Variants in LZTR1 observed in about 807,000 individuals in gnomAD.
LZTR1 encodes leucine zipper like post translational regulator 1.
In LZTR1, 260 loss-of-function variants were observed where a neutral mutation model predicts 105.7. The observed-to-expected ratio is 2.46, with a 90% CI of 2.22 to 2.72. LZTR1 has a LOEUF of 2.72. LZTR1 is among the 30% of genes most tolerant of loss of function. LZTR1 has a pLI of 0.00. For synonymous variants in LZTR1, 490 were observed against 476.4 expected (o/e 1.03, Z -0.37); for missense variants, 1,214 against 1,166.9 (o/e 1.04, Z -0.59).
chr22:20,997,040 A>G, intron 20 of LZTR1, 74 bp downstream of exon 20: 1 of 1,508,462 alleles, frequency 6.6e-7, no homozygotes, highest in Non-Finnish European at 9.2e-7. Flanking sequence ...GAGGGTGCCC[A>G]GGCTCTGTGG....
chr22:20,994,703 C>T lies in LZTR1; in HGVS notation c.1761C>T (p.Ala587=). 6.2e-7 allele frequency: 1 copy of T among 1,612,288 alleles called. No individual in the cohort carries two copies. Among genetic ancestry groups the T allele is most frequent in the Non-Finnish European group, 8.5e-7 (1 of 1,179,972 alleles). ...QNVLVVCESA[A]RLQLSQLKEH... ...TGCTGGTTGTGTGCGAGAGTGCCGC[C>T]CGGCTGCAGCTGAGCCAACTCAAGG... Residue 587 remains alanine (A), a synonymous_variant, in exon 15 of 21, where the codon GCC becomes GCT. Transcript: ENST00000646124.
rs1302390050 is a variant in LZTR1 at position 20,994,938 on chromosome 22, G to C, written c.1854G>C (p.Glu618Asp). The change falls in exon 16 of 21, where the codon GAG becomes GAC. Residue 618 changes from glutamate to aspartate, a missense_variant. By Grantham distance (45) the Glu-to-Asp change is conservative. Transcript: ENST00000646124. Reference sequence around the variant, plus strand: ...AGGTGATCATGATGAAGGAGTTCGAGCGCCTCTCCTCTCCACTGATAGTGG... The same window carrying C: ...AGGTGATCATGATGAAGGAGTTCGACCGCCTCTCCTCTCCACTGATAGTGG... ...FNQVIMMKEF[E>D]RLSSPLIVEI... The C allele has an allele frequency of 6.2e-7, 1 of 1,613,388 alleles. No homozygotes were observed. The highest frequency in any genetic ancestry group is 8.5e-7 in the Non-Finnish European group (1 of 1,180,014).
At chr22:20,987,407 A>G in intron 3 of LZTR1, 97 bp from the exon 4 acceptor site, 2 of 692,070 alleles carry the variant, frequency 2.9e-6, no homozygotes, top group Non-Finnish European at 5.2e-6. Flanking sequence ...AAAAAAAGAA[A>G]AAAGAAAGGC....
intron 2 of LZTR1, among the ~76,000 whole-genome samples, chr22:20,984,609 A>C (rs1924305279): frequency 2.7e-4 from 1 of 3,772 alleles, no homozygotes; most frequent in African/African-American, 3.4e-4. Context: ...TGGGGCAAGT[A>C]AGGAGGGGGG....
chr22:20,993,019 G>C (rs1042785837), intron 11 of LZTR1, 115 bp downstream of exon 11: 3 of 729,358 alleles, frequency 4.1e-6, no homozygotes, highest in Non-Finnish European at 6.8e-6. Context: ...GCCACACCTG[G>C]CAGGATGGAA....
chr22:20,994,807 C>T, intron 15 of LZTR1, 63 bp from the exon 16 acceptor site: 2 of 1,608,812 alleles, frequency 1.2e-6, no homozygotes, highest in Non-Finnish European at 1.7e-6. Context: ...CCACTGTGAG[C>T]CCCTCGCCCA....
At chr22:20,985,785 G>A (rs999561732) in intron 2 of LZTR1, 56 bp from the exon 3 acceptor site, 5 of 1,522,848 alleles carry the variant, frequency 3.3e-6, no homozygotes, top group Middle Eastern at 1.7e-4. Flanking sequence ...CCCATCTCTG[G>A]GGTCACTGCA....
chr22:20,983,944 C>T (rs942271767), intron 2 of LZTR1, among the ~76,000 whole-genome samples: 3 of 152,220 alleles, frequency 2.0e-5, no homozygotes, highest in Admixed American at 6.5e-5. Flanking sequence ...TGAGTAAAAG[C>T]CCAAGTCCTC....
chr22:20,987,388 C>CAAAAAAAAA, intron 3 of LZTR1, 116 bp from the exon 4 acceptor site: 1 of 530,240 alleles, frequency 1.9e-6, no homozygotes, highest in Non-Finnish European at 3.3e-6. Context: ...GACTCCGTCT[C>CAAAAAAAAA]AAAAAAAAAA....
rs746037698 is a variant in LZTR1, at chr22:20,997,324, C to T, written c.2499C>T (p.Cys833=). The T allele has an allele frequency of 1.7e-5, 28 of 1,613,314 alleles. No homozygotes were observed. The highest frequency in any genetic ancestry group is 9.3e-5 in the African/African-American group (7 of 74,938). ...SLASHISDKQ[C]AELGADI is the part of the protein sequence containing the mutation. ...CCTCCCACATCTCAGACAAGCAGTGCGCAGAGCTGGGCGCCGACATCTGAG... is the reference window on the plus strand; with the variant it reads ...CCTCCCACATCTCAGACAAGCAGTGTGCAGAGCTGGGCGCCGACATCTGAG... Residue 833 remains cysteine (C), a synonymous_variant, in exon 21 of 21, where the codon TGC becomes TGT. Transcript: ENST00000646124.
At chr22:20,988,901 ACCTC>A in intron 6 of LZTR1, 29 bp downstream of exon 6, 1 of 1,595,260 alleles carries the variant, frequency 6.3e-7, no homozygotes, top group Non-Finnish European at 8.6e-7. Flanking sequence ...TGTGCACCCC[ACCTC>A]CGACAGCACT....
chr22:20,990,180 T>C (rs902223535), intron 7 of LZTR1, among the ~76,000 whole-genome samples: 2 of 152,216 alleles, frequency 1.3e-5, no homozygotes, highest in African/African-American at 4.8e-5. Flanking sequence ...GATTTAACCC[T>C]GACGATTTTA....
rs200897030 is a variant in LZTR1, at chr22:20,997,231, G to A, written c.2407-1G>A. ...CTCCTTCCGGCCTGCTTGCCTTACA[G>A]GTCTCCAAGTTGCCCACCCTGCGGT... On this transcript the variant is annotated splice_acceptor_variant, in intron 20 of 20. Transcript: ENST00000646124. LOFTEE classifies it high-confidence loss of function. The A allele has an allele frequency of 8.1e-6, 13 of 1,604,690 alleles. No homozygotes were observed. The highest frequency in any genetic ancestry group is 5.0e-5 in the Admixed American group (3 of 60,000).
Position 20,989,656 on chromosome 22 carries a change from G to A in LZTR1, c.625G>A (p.Asp209Asn). The change falls in exon 7 of 21, where the codon GAC (aspartate) becomes AAC (asparagine). Residue 209 changes from aspartate (D) to asparagine (N), a missense_variant. Transcript: ENST00000646124. ...TGACATGTGGACAATTGGCCTCCAG[G>A]ACCGAGAGCTCACCTGCTGGGAGGA... ...LNDMWTIGLQ[D>N]RELTCWEEVA... 1 of 1,613,278 alleles carries A rather than the reference G, an allele frequency of 6.2e-7. No homozygotes were observed. The highest frequency in any genetic ancestry group is 1.1e-5 in the South Asian group (1 of 91,064).
At chr22:20,982,940 C>G in intron 1 of LZTR1, 87 bp from the exon 2 acceptor site, 1 of 1,079,876 alleles carries the variant, frequency 9.3e-7, no homozygotes, top group Non-Finnish European at 1.4e-6. Flanking sequence ...TACCTAACTT[C>G]CGTGGCAGCT....
At position 20,989,639 on chromosome 22, in the gene LZTR1, G is replaced by A; in HGVS notation, c.608G>A (p.Trp203Ter). The change falls in exon 7 of 21, where the codon TGG becomes TAG. Residue 203 changes from tryptophan to a stop codon, truncating the protein, a stop_gained. Coordinates refer to ENST00000646124, the MANE Select transcript of LZTR1 (RefSeq NM_006767.4). LOFTEE classifies it high-confidence loss of function. ...TCCTAATACAGGTTGAATGACATGT[G>A]GACAATTGGCCTCCAGGACCGAGAG... ...YDGNARLNDMWTIGLQDRELT... is the reference protein window; with the variant it reads ...YDGNARLNDM 6.2e-7 allele frequency: 1 copy of A among 1,613,658 alleles called. No individual in the cohort carries two copies. The highest frequency in any genetic ancestry group is 8.5e-7 in the Non-Finnish European group (1 of 1,179,938).
intron 4 of LZTR1, 88 bp from the exon 5 acceptor site, chr22:20,987,921 AG>A: frequency 1.2e-6 from 1 of 804,724 alleles, no homozygotes; most frequent in South Asian, 1.6e-5. Context: ...ATGCATTTTC[AG>A]GGGGGCCAGA....
chr22:20,995,207 T>C lies in LZTR1; in HGVS notation c.1942+181T>C. On this transcript the variant is annotated intron_variant, in intron 16 of 20. Coordinates refer to ENST00000646124, the MANE Select transcript of LZTR1 (RefSeq NM_006767.4). ...GATGAAGGCAGAAGCCCCCGACCCA[T>C]GGGGCTTGCCACAGTGGGCTGTGTC... The C allele has an allele frequency of 5.5e-6, 4 of 731,262 alleles. No homozygotes were observed. The Admixed American group carries it at 8.7e-5, about 16-fold the overall frequency. 45.3% of individuals were successfully genotyped at this position (731,262 alleles called of 1,614,324 possible).
intron 16 of LZTR1, chr22:20,995,485 G>A (rs1301165879): frequency 3.0e-6 from 2 of 663,118 alleles, no homozygotes; most frequent in South Asian, 3.0e-5. Context: ...TGATCATGAG[G>A]TCAGCGAGGG....
Sources: allele counts gnomAD v4.1 joint callset (sites outside exome capture counted in the v4.1 genomes callset), GRCh38; gene constraint gnomAD v4.1.1; transcripts MANE v1.5; gene names NCBI Gene and HGNC (gene_info 2026-07-23, HGNC 2026-07-21).